ELMO1: variants seen among roughly 807,000 people sequenced by gnomAD.
The protein encoded by ELMO1 is engulfment and cell motility 1, also known as engulfment and cell motility protein 1.
ELMO1 carries 26 observed loss-of-function variants against 98.9 expected under a neutral mutation model. That is an observed-to-expected ratio of 0.26 (90% CI 0.19 to 0.36). The LOEUF (loss-of-function observed/expected upper bound fraction) is 0.36, where lower values mean the gene tolerates loss of function less well. Ranked by LOEUF, ELMO1 falls within the 10% of genes least tolerant of loss-of-function variation. The pLI is 1.00. For missense variants in ELMO1, 627 were observed against 935.2 expected (o/e 0.67, Z 4.30); for synonymous variants, 346 against 346.0 (o/e 1.00, Z 0.00).
chr7:37,063,079 G>T (rs1296044959), intron 15 of ELMO1, among the ~76,000 whole-genome samples: 1 of 152,134 alleles, frequency 6.6e-6, no homozygotes, highest in African/African-American at 2.4e-5. Flanking sequence ...CATACCTGTG[G>T]TGTACCTTAC....
intron 5 of ELMO1, among the ~76,000 whole-genome samples, chr7:37,260,411 G>C (rs753272803): frequency 9.9e-5 from 15 of 152,120 alleles, no homozygotes; most frequent in Non-Finnish European, 1.9e-4. Context: ...CAGGGTTAAG[G>C]TTGCAGAGTG....
intron 1 of ELMO1, among the ~76,000 whole-genome samples, chr7:37,434,608 G>A (rs962557037): frequency 2.0e-5 from 3 of 152,132 alleles, no homozygotes; most frequent in East Asian, 1.9e-4. Context: ...ATCAGATCAC[G>A]TCACTCCCTT....
intron 16 of ELMO1, among the ~76,000 whole-genome samples, chr7:36,934,335 C>T (rs1786319732): frequency 6.6e-6 from 1 of 152,210 alleles, no homozygotes; most frequent in African/African-American, 2.4e-5. Context: ...GAAAGTGAGG[C>T]AAGGGCTGAC....
chr7:37,182,172 G>T (rs1422531848), intron 13 of ELMO1, among the ~76,000 whole-genome samples: 1 of 152,200 alleles, frequency 6.6e-6, no homozygotes, highest in Non-Finnish European at 1.5e-5. Context: ...GGAAGGTGCT[G>T]CCCCCTGGTG....
At position 36,870,091 on chromosome 7, in the gene ELMO1, T is replaced by G. The variant is rs2072520; in HGVS notation, c.1905+302A>C. Among the ~76,000 whole-genome samples the G allele has an allele frequency of 0.31, 47,195 of 151,932 alleles. 7,930 individuals are homozygous for G. The highest frequency in any genetic ancestry group is 0.43 in the Middle Eastern group (126 of 294). ...AGGAGAGGCCCAGGGAATGGACGGA[T>G]GAGCAGAGCGGGCTCAAGAGAGGAC... On this transcript the variant is annotated intron_variant, in intron 20 of 21. Coordinates refer to ENST00000310758, the MANE Select transcript of ELMO1 (RefSeq NM_014800.11). This position sits in a 1 kb window ranked among gnomAD's most constrained non-coding sequence, Gnocchi z 4.4.
intron 21 of ELMO1, among the ~76,000 whole-genome samples, chr7:36,861,203 G>A (rs941588794): frequency 1.3e-5 from 2 of 152,154 alleles, no homozygotes; most frequent in Non-Finnish European, 1.5e-5. Context: ...AGGAATAAAA[G>A]CATCTCGAAA....
At chr7:37,148,664 A>G (rs570972650) in intron 13 of ELMO1, among the ~76,000 whole-genome samples, 2 of 152,334 alleles carry the variant, frequency 1.3e-5, no homozygotes, top group South Asian at 4.1e-4. Flanking sequence ...TGAATAATGA[A>G]ATAGTATTGT....
intron 16 of ELMO1, among the ~76,000 whole-genome samples, chr7:36,902,320 C>G (rs1783632746): frequency 1.3e-5 from 2 of 152,236 alleles, no homozygotes; most frequent in Admixed American, 1.3e-4. Context: ...AAGTCATTAA[C>G]TTCTCCTGCC....
intron 16 of ELMO1, among the ~76,000 whole-genome samples, chr7:37,005,126 A>G (rs954537026): frequency 1.1e-4 from 16 of 147,948 alleles, no homozygotes; most frequent in Admixed American, 2.9e-4. Flanking sequence ...AAAAAAAAAA[A>G]AAAAAAGAAA....
chr7:36,971,429 A>G (rs1789940665), intron 16 of ELMO1, among the ~76,000 whole-genome samples: 1 of 152,206 alleles, frequency 6.6e-6, no homozygotes, highest in Admixed American at 6.5e-5. Flanking sequence ...TGTTATTTGA[A>G]GACATAAGAA....
At chr7:37,035,985 T>C (rs974167722) in intron 15 of ELMO1, among the ~76,000 whole-genome samples, 1 of 152,252 alleles carries the variant, frequency 6.6e-6, no homozygotes, top group Non-Finnish European at 1.5e-5. Flanking sequence ...CTCTTGACTG[T>C]GAATGATGCC....
intron 19 of ELMO1, among the ~76,000 whole-genome samples, chr7:36,872,824 G>T (rs1803637746): frequency 6.6e-6 from 1 of 152,204 alleles, no homozygotes; most frequent in South Asian, 2.1e-4. Context: ...GATTCAAATA[G>T]AGTTTGAGTC....
rs572951169 is a variant in ELMO1, at chr7:36,990,239, T to A, written c.1437+23060A>T. The stretch of plus-strand genomic sequence containing the variant: ...GATTTTTTCGCCTTCTAGACTGTGA[T>A]GAAAAAAGTACATAAAGCTTACAGA... On this transcript the variant is annotated intron_variant, in intron 16 of 21. Coordinates refer to ENST00000310758, the MANE Select transcript of ELMO1 (RefSeq NM_014800.11). 2.0e-5 allele frequency among the ~76,000 whole-genome samples: 3 copies of A among 152,284 alleles called. No homozygotes were observed. In the East Asian group the frequency reaches 5.8e-4, roughly 29 times the overall value.
chr7:37,136,359 A>G (rs1316743764), intron 13 of ELMO1, among the ~76,000 whole-genome samples: 1 of 152,230 alleles, frequency 6.6e-6, no homozygotes, highest in Non-Finnish European at 1.5e-5. Context: ...ACAACCAAAT[A>G]CAAGAAGCCC....
intron 15 of ELMO1, among the ~76,000 whole-genome samples, chr7:37,050,661 A>ACACACACACAC (rs1562922933): frequency 8.6e-6 from 1 of 116,704 alleles, no homozygotes; most frequent in African/African-American, 3.3e-5. Context: ...CACACACACA[A>ACACACACACAC]AAGGTAACTA....
intron 11 of ELMO1, among the ~76,000 whole-genome samples, chr7:37,215,223 C>G (rs1793213203): frequency 6.6e-6 from 1 of 152,198 alleles, no homozygotes; most frequent in Admixed American, 6.5e-5. Context: ...TCTTTGACAG[C>G]CAGGAAGTTT....
At chr7:37,042,121 GA>G (rs200188901) in intron 15 of ELMO1, among the ~76,000 whole-genome samples, 16,286 of 97,068 alleles carry the variant, frequency 0.17, 1,025 homozygotes, top group Middle Eastern at 0.3. Context: ...CCGTCTCTAC[GA>G]AAAAAAAAAA....
chr7:37,399,382 C>T (rs764863929), intron 1 of ELMO1, among the ~76,000 whole-genome samples: 10 of 152,124 alleles, frequency 6.6e-5, no homozygotes, highest in Non-Finnish European at 1.3e-4. Flanking sequence ...CTGAAGGGAC[C>T]ACCAATTTTG....
chr7:37,116,334 G>GAGC (rs1785589123), intron 14 of ELMO1, among the ~76,000 whole-genome samples: 1 of 152,186 alleles, frequency 6.6e-6, no homozygotes, highest in Non-Finnish European at 1.5e-5. Context: ...GCTTGTCACA[G>GAGC]AGCAGGTACT....
Sources: allele counts gnomAD v4.1 joint callset (sites outside exome capture counted in the v4.1 genomes callset), GRCh38; gene constraint gnomAD v4.1.1; non-coding constraint Gnocchi (gnomAD v3.1); transcripts MANE v1.5; gene names NCBI Gene and HGNC (gene_info 2026-07-23, HGNC 2026-07-21).